The following NIN variants were observed in gnomAD, a reference collection of about 807,000 sequenced individuals.
NIN encodes ninein.
NIN carries 137 observed loss-of-function variants against 257.6 expected under a neutral mutation model. The ratio of observed to expected loss-of-function variants is 0.53; its 90% CI spans 0.46 to 0.61. The LOEUF is 0.61. Ranked by LOEUF, NIN falls within the 20% of genes least tolerant of loss-of-function variation. NIN has a pLI of 0.00. For synonymous variants in NIN, 918 were observed against 919.8 expected (o/e 1.00, Z 0.04); for missense variants, 2,439 against 2,501.2 (o/e 0.98, Z 0.53).
chr14:50,762,508 C>CTATTATCAGCATAATTTTAGCA (rs1314572693), intron 15 of NIN, among the ~76,000 whole-genome samples: 1 of 152,086 alleles, frequency 6.6e-6, no homozygotes, highest in Non-Finnish European at 1.5e-5. Flanking sequence ...CATATTTTAG[C>CTATTATCAGCATAATTTTAGCA]TATTATCAGC....
intron 2 of NIN, among the ~76,000 whole-genome samples, chr14:50,825,626 G>T (rs916237420): frequency 3.3e-5 from 5 of 152,174 alleles, no homozygotes; most frequent in African/African-American, 1.2e-4. Flanking sequence ...AACAAAATGG[G>T]GGTGGAGCCA....
rs138699749 is a variant in NIN at position 50,747,994 on chromosome 14, G to T, written c.5062C>A (p.Gln1688Lys). ...LLKDELEKMK[Q>K]LHRCPDLSDF... ...CCCTTAGCTGCACACAGCCTTACCT[G>T]TTTCATTTTCTCCAGTTCATCTTTG... Residue 1688 changes from glutamine (Q) to lysine (K), a missense_variant and splice_region_variant, in exon 22 of 31, where the codon CAG becomes AAG. Coordinates refer to ENST00000530997, the MANE Select transcript of NIN (RefSeq NM_020921.4). 11 of 1,604,966 alleles carry T rather than the reference G, an allele frequency of 6.9e-6. No homozygotes were observed. Among genetic ancestry groups the T allele is most frequent in the Non-Finnish European group, 8.5e-6 (10 of 1,171,774 alleles).
chr14:50,743,910 T>C (rs575564231), intron 23 of NIN, among the ~76,000 whole-genome samples: 2 of 152,072 alleles, frequency 1.3e-5, no homozygotes, highest in Non-Finnish European at 2.9e-5. Context: ...GAAGATAAAA[T>C]AGAAAAAAAG....
Position 50,806,745 on chromosome 14 carries a change from TG to T in NIN, c.256del (p.Gln86LysfsTer7). 1 of 1,579,862 alleles carries T rather than the reference TG, an allele frequency of 6.3e-7. No homozygotes were observed. The highest frequency in any genetic ancestry group is 8.7e-7 in the Non-Finnish European group (1 of 1,150,754). On this transcript the variant is annotated frameshift_variant, in exon 4 of 31. Coordinates refer to ENST00000530997, the MANE Select transcript of NIN (RefSeq NM_020921.4). LOFTEE classifies it high-confidence loss of function. ...GAAGTGAGTGACCTTACCTGGTTCT[TG>T]AAAGTGTTCTTCATTTGACAGAGTT... is the stretch of plus-strand genomic sequence containing the variant. ...SRTLSNEEHF[Q>X]EPDCSLEAQP...
intron 21 of NIN, among the ~76,000 whole-genome samples, chr14:50,748,750 C>A (rs1009984309): frequency 6.6e-6 from 1 of 152,084 alleles, no homozygotes; most frequent in African/African-American, 2.4e-5. Context: ...ATACAACTTA[C>A]AAGGGACATG....
rs2140797630 is a variant in NIN at position 50,756,536 on chromosome 14, C to T, written c.4494G>A (p.Leu1498=). Residue 1498 remains leucine (L), a synonymous_variant, in exon 18 of 31, where the codon TTG becomes TTA. Transcript: ENST00000530997. ...GCTGCATCTCACTGCACGTGATCTG[C>T]AAGTCATGCATCATTGCCTTCAGCT... ...EEELKAMMHD[L]QITCSEMQQK... is the part of the protein sequence containing the mutation. 1 of 1,612,384 alleles carries T rather than the reference C, an allele frequency of 6.2e-7. No individual in the cohort carries two copies. The highest frequency in any genetic ancestry group is 8.5e-7 in the Non-Finnish European group (1 of 1,179,404).
chr14:50,743,548 A>G lies in NIN; in HGVS notation c.5188-19T>C, dbSNP rs2041391013. 1.3e-6 allele frequency: 2 copies of G among 1,511,894 alleles called. No individual in the cohort carries two copies. The highest frequency in any genetic ancestry group is 1.8e-6 in the Non-Finnish European group (2 of 1,087,538). 93.7% of individuals were successfully genotyped at this position (1,511,894 alleles called of 1,614,324 possible). Reference sequence around the variant, plus strand: ...TTGCCAACTGTTTCAGGAAGGGAAAAAGAGGTAAGAGGGCATTTTTGCAAA... The same window carrying G: ...TTGCCAACTGTTTCAGGAAGGGAAAGAGAGGTAAGAGGGCATTTTTGCAAA... On this transcript the variant is annotated intron_variant, in intron 23 of 30. Transcript: ENST00000530997.
chr14:50,791,788 T>G (rs1231987666), intron 5 of NIN, among the ~76,000 whole-genome samples: 2 of 120,908 alleles, frequency 1.7e-5, no homozygotes, highest in African/African-American at 5.7e-5. Context: ...TAGACCACAA[T>G]GAACACACAG....
Position 50,748,101 on chromosome 14 carries a change from G to C in NIN, c.4955C>G (p.Ser1652Cys). The C allele has an allele frequency of 1.9e-6, 3 of 1,602,404 alleles. No homozygotes were observed. Among genetic ancestry groups the C allele is most frequent in the Non-Finnish European group, 2.6e-6 (3 of 1,169,744 alleles). The stretch of plus-strand genomic sequence containing the variant: ...CGCCTCCAGAGAAGACACTAAAGTG[G>C]AGGACTAAGAGAAAAATGAAAAAGT... ...EELERCKVQS[S>C]TLVSSLEAEL... Residue 1652 changes from serine to cysteine, a missense_variant, in exon 22 of 31, where the codon TCC (serine) becomes TGC (cysteine). Physicochemically the swap from Ser to Cys is moderately radical, Grantham distance 112. Coordinates refer to ENST00000530997, the MANE Select transcript of NIN (RefSeq NM_020921.4).
intron 4 of NIN, among the ~76,000 whole-genome samples, chr14:50,798,050 G>GC (rs1401902044): frequency 2.0e-5 from 3 of 152,122 alleles, no homozygotes; most frequent in Non-Finnish European, 4.4e-5. Context: ...CATTAAAAAG[G>GC]CATCAGCAGA....
intron 4 of NIN, among the ~76,000 whole-genome samples, chr14:50,802,492 T>A (rs58424267): frequency 6.6e-6 from 1 of 152,022 alleles, no homozygotes; most frequent in African/African-American, 2.4e-5. Flanking sequence ...ATGAGAGCTT[T>A]GTTTTTATAG....
chr14:50,742,267 TGA>T (rs1429507656), intron 24 of NIN: 1 of 152,236 alleles, frequency 6.6e-6, no homozygotes, highest in Non-Finnish European at 1.5e-5. Context: ...AATAAAAAGC[TGA>T]GTGTGGTGGC....
In NIN at chr14:50,757,935, A is replaced by G; in HGVS notation, c.3095T>C (p.Leu1032Pro). ...MQQATSPLSM[L>P]QSGCQVIGEE... ...TCCTATCACCTGGCAACCACTCTGA[A>G]GCATTGAGAGAGGAGATGTTGCCTG... Residue 1032 changes from leucine (L) to proline (P), a missense_variant, in exon 18 of 31, where the codon CTT becomes CCT. Physicochemically the swap from Leu to Pro is moderately conservative, Grantham distance 98. Transcript: ENST00000530997. 6.2e-7 allele frequency: 1 copy of G among 1,614,102 alleles called. No homozygotes were observed. The highest frequency in any genetic ancestry group is 1.1e-5 in the South Asian group (1 of 91,076).
At chr14:50,731,782 C>T (rs993658794) in intron 28 of NIN, among the ~76,000 whole-genome samples, 20 of 152,088 alleles carry the variant, frequency 1.3e-4, no homozygotes, top group Admixed American at 5.2e-4. Flanking sequence ...GCTGAAATCG[C>T]GCCACTGCAT....
chr14:50,789,637 A>G (rs1271412137), intron 5 of NIN, among the ~76,000 whole-genome samples: 1 of 152,238 alleles, frequency 6.6e-6, no homozygotes, highest in Admixed American at 6.5e-5. Context: ...AATTCATTAT[A>G]AGAGGAAGAA....
chr14:50,787,303 C>A (rs2043388555), intron 5 of NIN, among the ~76,000 whole-genome samples: 1 of 152,218 alleles, frequency 6.6e-6, no homozygotes, highest in African/African-American at 2.4e-5. Flanking sequence ...ACAACCTTTT[C>A]TACCAGGCCT....
At chr14:50,822,775 G>C (rs2045286038) in intron 2 of NIN, among the ~76,000 whole-genome samples, 1 of 152,236 alleles carries the variant, frequency 6.6e-6, no homozygotes, top group Admixed American at 6.5e-5. Context: ...CTTCACTGGT[G>C]CAATTACATG....
intron 3 of NIN, among the ~76,000 whole-genome samples, chr14:50,813,514 T>A (rs1052804112): frequency 2.0e-5 from 3 of 152,204 alleles, no homozygotes; most frequent in African/African-American, 7.2e-5. Flanking sequence ...TTAGGAGAAA[T>A]TTACCTCATT....
intron 3 of NIN, among the ~76,000 whole-genome samples, chr14:50,813,032 A>G (rs895331491): frequency 6.6e-6 from 1 of 152,158 alleles, no homozygotes; most frequent in Non-Finnish European, 1.5e-5. Context: ...TCTTTCAAAG[A>G]GATAGTTCTC....
Sources: allele counts gnomAD v4.1 joint callset (sites outside exome capture counted in the v4.1 genomes callset), GRCh38; gene constraint gnomAD v4.1.1; transcripts MANE v1.5; gene names NCBI Gene and HGNC (gene_info 2026-07-23, HGNC 2026-07-21).